The following PDZD9 variants were observed in gnomAD, a reference collection of about 807,000 sequenced individuals.
PDZD9 encodes PDZ domain-containing protein 9.
PDZD9 carries 13 observed loss-of-function variants against 16.3 expected under a neutral mutation model. That is an observed-to-expected ratio of 0.80 (90% CI 0.52 to 1.27). The LOEUF is 1.27. Ranked by LOEUF, PDZD9 falls within the 50% of genes most tolerant of loss-of-function variation. PDZD9 has a pLI of 0.00. For missense variants in PDZD9, 288 were observed against 310.9 expected (o/e 0.93, Z 0.55); for synonymous variants, 120 against 111.0 (o/e 1.08, Z -0.51).
the PDZD9 span, among the ~76,000 whole-genome samples, chr16:21,957,789 T>C: frequency 6.6e-6 from 1 of 152,226 alleles, no homozygotes; most frequent in East Asian, 1.9e-4. Context: ...TCAGCAGGGC[T>C]GTGATCCCTC....
At chr16:21,972,104 A>G in the PDZD9 span, 9 of 1,613,616 alleles carry the variant, frequency 5.6e-6, no homozygotes, top group Non-Finnish European at 7.6e-6. Flanking sequence ...TTGCCAAGGC[A>G]ACTCAGCAGC....
At chr16:21,968,567 GTT>G in the PDZD9 span, 32 of 1,462,794 alleles carry the variant, frequency 2.2e-5, no homozygotes, top group Non-Finnish European at 2.7e-5. Flanking sequence ...GTACTTTTAT[GTT>G]TTTACAGCTT....
chr16:21,997,952 G>C (rs1899191227), intron 1 of PDZD9, among the ~76,000 whole-genome samples: 1 of 152,138 alleles, frequency 6.6e-6, no homozygotes, highest in African/African-American at 2.4e-5. Flanking sequence ...TCTGGCTGTG[G>C]GGAGCTGGAG....
downstream of PDZD9, chr16:21,980,724 T>A (rs1167827001): frequency 6.2e-7 from 1 of 1,612,172 alleles, no homozygotes; most frequent in Non-Finnish European, 8.5e-7. Flanking sequence ...AACTTAACGA[T>A]TTAACAACAG....
Position 21,988,655 on chromosome 16 carries a change from T to G in PDZD9, c.348A>C (p.Glu116Asp). ...KVYRDFINIP[E>D]EWQEIYDLIP... ...TTAAATCATATATTTCTTGCCATTCTTCAGGAATGTTAATAAAATCTCGGT... is the reference window on the plus strand; with the variant it reads ...TTAAATCATATATTTCTTGCCATTCGTCAGGAATGTTAATAAAATCTCGGT... The change falls in exon 3 of 4, where the codon GAA (glutamate) becomes GAC (aspartate). Residue 116 changes from glutamate to aspartate, a missense_variant. Glu to Asp is a conservative substitution (Grantham distance 45). Coordinates refer to ENST00000424898, the MANE Select transcript of PDZD9 (RefSeq NM_001363519.1). 1 of 1,613,538 alleles carries G rather than the reference T, an allele frequency of 6.2e-7. No homozygotes were observed. Among genetic ancestry groups the G allele is most frequent in the South Asian group, 1.1e-5 (1 of 91,016 alleles).
chr16:21,966,650 A>C, the PDZD9 span, among the ~76,000 whole-genome samples: 15 of 152,234 alleles, frequency 9.9e-5, no homozygotes, highest in Non-Finnish European at 1.5e-4. Flanking sequence ...CCTTTCATTC[A>C]TATGGCACTT....
At chr16:21,957,627 A>T in the PDZD9 span, 1 of 1,571,120 alleles carries the variant, frequency 6.4e-7, no homozygotes, top group Non-Finnish European at 8.6e-7. Flanking sequence ...CCTGTGAAAA[A>T]GAAAAACTAA....
At chr16:21,993,493 G>A (rs976133525) in intron 2 of PDZD9, among the ~76,000 whole-genome samples, 5 of 152,116 alleles carry the variant, frequency 3.3e-5, no homozygotes, top group Non-Finnish European at 7.4e-5. Context: ...GGATTTTAAG[G>A]TATAGCAAAC....
At chr16:21,999,268 C>A in intron 1 of PDZD9, 1 of 220,256 alleles carries the variant, frequency 4.5e-6, no homozygotes, top group East Asian at 1.1e-4. Flanking sequence ...ACCCTGGAAC[C>A]CGAAGGTACT....
At chr16:21,981,581 C>G (rs1015708331), downstream of PDZD9, among the ~76,000 whole-genome samples, 1 of 151,930 alleles carries the variant, frequency 6.6e-6, no homozygotes, top group Admixed American at 6.6e-5. Flanking sequence ...TAGCAAAACC[C>G]CATCTCTACA....
intron 3 of PDZD9, among the ~76,000 whole-genome samples, chr16:21,987,877 A>T (rs1898917251): frequency 6.6e-6 from 1 of 152,102 alleles, no homozygotes; most frequent in African/African-American, 2.4e-5. Context: ...GGGTAGGGAG[A>T]GGAGAGTGGA....
At chr16:21,965,305 A>C in the PDZD9 span, 1 of 1,065,154 alleles carries the variant, frequency 9.4e-7, no homozygotes, top group South Asian at 1.4e-5. Context: ...TATGAATGCC[A>C]GAAGATGACC....
At chr16:21,980,365 A>T, downstream of PDZD9, 1 of 657,730 alleles carries the variant, frequency 1.5e-6, no homozygotes, top group Non-Finnish European at 2.5e-6. Flanking sequence ...CTTCAGACTT[A>T]CTGTTTTAGT....
At chr16:21,988,931 T>C in intron 2 of PDZD9, 140 bp from the exon 3 acceptor site, 2 of 413,544 alleles carry the variant, frequency 4.8e-6, no homozygotes, top group Non-Finnish European at 3.8e-6. Context: ...CTTCAGCCTT[T>C]TTTTTTTTTT....
the PDZD9 span, chr16:21,962,514 T>C: frequency 6.2e-7 from 1 of 1,614,174 alleles, no homozygotes; most frequent in Non-Finnish European, 8.5e-7. Flanking sequence ...TGCGGGGTGA[T>C]GTGTAAGTAC....
chr16:21,988,201 G>A (rs1898930011), intron 3 of PDZD9, among the ~76,000 whole-genome samples: 1 of 151,782 alleles, frequency 6.6e-6, no homozygotes, highest in Admixed American at 6.6e-5. Context: ...GTAGAGACGG[G>A]GTTTCACCAT....
chr16:21,995,346 A>C (rs1378747498), intron 2 of PDZD9: 1 of 427,954 alleles, frequency 2.3e-6, no homozygotes, highest in Admixed American at 2.5e-5. Context: ...CTTTTCTTAT[A>C]AATGACCCAG....
downstream of PDZD9, chr16:21,980,264 A>T: frequency 3.0e-6 from 1 of 329,852 alleles, no homozygotes; most frequent in Non-Finnish European, 5.7e-6. Flanking sequence ...CAGCTGTCTC[A>T]CTCAAATCTG....
At chr16:21,992,446 C>T (rs1899046058) in intron 2 of PDZD9, among the ~76,000 whole-genome samples, 1 of 152,048 alleles carries the variant, frequency 6.6e-6, no homozygotes, top group Non-Finnish European at 1.5e-5. Context: ...AAGGTGTTGC[C>T]AGAAAAGATT....
Sources: allele counts gnomAD v4.1 joint callset (sites outside exome capture counted in the v4.1 genomes callset), GRCh38; gene constraint gnomAD v4.1.1; transcripts MANE v1.5; gene names NCBI Gene and HGNC (gene_info 2026-07-23, HGNC 2026-07-21).